NBPF10: variants seen among roughly 807,000 people sequenced by gnomAD.
The protein encoded by NBPF10 is NBPF member 10.
In NBPF10, 63 loss-of-function variants were observed where a neutral mutation model predicts 77.9. That is an observed-to-expected ratio of 0.81 (90% CI 0.66 to 1.00). The LOEUF is 1.00. NBPF10 is among the 50% of genes least tolerant of loss of function. The probability of loss-of-function intolerance (pLI) is 0.00; values close to 1 mark genes in which losing one functional copy is unlikely to be tolerated. For missense variants in NBPF10, 522 were observed against 679.8 expected (o/e 0.77, Z 2.58); for synonymous variants, 146 against 264.5 (o/e 0.55, Z 4.35).
At chr1:146,073,079 G>A (rs1376185431) in intron 81 of NBPF10, among the ~76,000 whole-genome samples, 178 bp from the exon 82 acceptor site, 5 of 68,494 alleles carry the variant, frequency 7.3e-5, no homozygotes, top group Non-Finnish European at 1.3e-4. Context: ...AGAAAAGAAT[G>A]AAAGAGAAAG....
intron 5 of NBPF10, among the ~76,000 whole-genome samples, chr1:146,139,473 A>T (rs1166359526): frequency 2.7e-5 from 4 of 148,664 alleles, no homozygotes; most frequent in East Asian, 2.0e-4. Context: ...ACAGAAGTGA[A>T]TGAGAGTGGG....
chr1:146,129,351 C>T (rs1351998738), intron 11 of NBPF10, among the ~76,000 whole-genome samples: 1 of 144,116 alleles, frequency 6.9e-6, no homozygotes, highest in African/African-American at 2.7e-5. Context: ...GATGCATGCA[C>T]AAGCTTCAGT....
chr1:146,067,802 G>A (rs587635099), intron 88 of NBPF10, among the ~76,000 whole-genome samples: 2 of 151,848 alleles, frequency 1.3e-5, no homozygotes, highest in Non-Finnish European at 2.9e-5. Flanking sequence ...CCTGAGACTA[G>A]GAAGAGAGTC....
intron 5 of NBPF10, among the ~76,000 whole-genome samples, chr1:146,139,082 CAGAG>C (rs1660005909): frequency 8.4e-6 from 1 of 118,496 alleles, no homozygotes. Context: ...CGCCCCTGGT[CAGAG>C]ACTTACTTTT....
intron 15 of NBPF10, among the ~76,000 whole-genome samples, chr1:146,125,091 G>A (rs1176012496): frequency 3.1e-5 from 2 of 65,132 alleles, no homozygotes; most frequent in Admixed American, 1.8e-4. Context: ...AGGAGAAAGT[G>A]AGCTCAGCGA....
intron 14 of NBPF10, among the ~76,000 whole-genome samples, chr1:146,125,831 A>G (rs1396131980): frequency 4.0e-5 from 6 of 149,960 alleles, no homozygotes; most frequent in Non-Finnish European, 7.4e-5. Flanking sequence ...TGCTAGGAGA[A>G]AAACTGCACT....
intron 14 of NBPF10, among the ~76,000 whole-genome samples, chr1:146,125,810 C>T (rs1208406533): frequency 6.7e-6 from 1 of 148,526 alleles, no homozygotes; most frequent in Non-Finnish European, 1.5e-5. Context: ...AAGCAAATGC[C>T]CCCAAATGGT....
chr1:146,067,956 C>A (rs782416212), intron 88 of NBPF10, 47 bp downstream of exon 88: 2 of 628,404 alleles, frequency 3.2e-6, no homozygotes, highest in Admixed American at 2.4e-5. Context: ...TCACCCCTAT[C>A]TGGAAGACCA....
At chr1:146,126,259 A>T (rs1312216730) in exon 14 of NBPF10, 3 of 1,608,628 alleles carry the variant, frequency 1.9e-6, no homozygotes, top group Middle Eastern at 2.3e-4. Context: ...AGCCAAGCCA[A>T]CACGCTGTTG....
At chr1:146,069,487 T>G (rs1401043703) in intron 86 of NBPF10, 56 bp downstream of exon 86, 20 of 724,948 alleles carry the variant, frequency 2.8e-5, no homozygotes, top group South Asian at 2.8e-4. Context: ...AGTAGGAATA[T>G]GACCCTAACC....
rs187526576 is a variant in NBPF10, at chr1:146,125,942, T to G, written c.2026+294A>C. 3.6e-4 allele frequency among the ~76,000 whole-genome samples: 55 copies of G among 151,726 alleles called. No homozygotes were observed. In the East Asian group the frequency reaches 9.7e-3, roughly 27 times the overall value. The stretch of plus-strand genomic sequence containing the variant: ...ATGAAATCTACAAGATCTACAAAAT[T>G]TAGACAAAATCAGAGTTGTGTGAAT... On this transcript the variant is annotated intron_variant, in intron 14 of 89. Transcript: ENST00000583866.
intron 5 of NBPF10, among the ~76,000 whole-genome samples, chr1:146,139,092 CTTTTTTTTTTT>C (rs782186835): frequency 0.014 from 1,146 of 82,486 alleles, 12 homozygotes; most frequent in African/African-American, 0.05. Context: ...CAGAGACTTA[CTTTTTTTTTTT>C]TTTTTTTTTT....
chr1:146,114,785 G>A (rs1386969823), intron 28 of NBPF10, among the ~76,000 whole-genome samples: 2 of 42,064 alleles, frequency 4.8e-5, no homozygotes, highest in African/African-American at 1.7e-4. Flanking sequence ...ATGCTTTATT[G>A]TTCCCATCAG....
chr1:146,067,885 T>A (rs1553778368), intron 88 of NBPF10, 118 bp downstream of exon 88: 23 of 698,080 alleles, frequency 3.3e-5, no homozygotes, highest in South Asian at 3.1e-4. Context: ...TATGCGCCCA[T>A]AGGTCCTGCC....
intron 7 of NBPF10, 141 bp downstream of exon 7, chr1:146,136,212 A>C: frequency 1.2e-6 from 1 of 800,782 alleles, no homozygotes; most frequent in Non-Finnish European, 2.1e-6. Context: ...TCTCTGATAA[A>C]TATTTGTGTG....
chr1:146,125,884 C>T lies in NBPF10; in HGVS notation c.2026+352G>A, dbSNP rs5019791. On this transcript the variant is annotated intron_variant, in intron 14 of 89. Coordinates refer to ENST00000583866, the Ensembl canonical transcript of NBPF10. ...CAAATACTCAGATTGTTCATGGTAGCGAGGATTTTAGACGCTGAAATTAGA... is the reference window on the plus strand; with the variant it reads ...CAAATACTCAGATTGTTCATGGTAGTGAGGATTTTAGACGCTGAAATTAGA... Among the ~76,000 whole-genome samples the T allele has an allele frequency of 7.8e-4, 118 of 151,188 alleles. 2 individuals carry two copies. The highest frequency in any genetic ancestry group is 2.1e-3 in the East Asian group (11 of 5,130).
intron 80 of NBPF10, among the ~76,000 whole-genome samples, chr1:146,073,870 C>T (rs1655899375): frequency 1.4e-5 from 1 of 70,334 alleles, no homozygotes; most frequent in Non-Finnish European, 3.8e-5. Flanking sequence ...AGGAGAAAAA[C>T]TGCACTATTC....
intron 3 of NBPF10, among the ~76,000 whole-genome samples, chr1:146,141,205 G>C (rs1235539329): frequency 1.9e-5 from 2 of 105,558 alleles, no homozygotes; most frequent in Non-Finnish European, 4.5e-5. Flanking sequence ...CAGATGGAGA[G>C]AGAGAAACTC....
In NBPF10 at chr1:146,085,970, A is replaced by T. The variant is rs1167234038; in HGVS notation, c.8159+194T>A. ...TGAAGTCTGGTCCACCTACAGTAGG[A>T]TAGTAAATGATAAGGGGAGGAAGAA... On this transcript the variant is annotated intron_variant, in intron 65 of 89. Coordinates refer to ENST00000583866, the Ensembl canonical transcript of NBPF10. 3.9e-4 allele frequency among the ~76,000 whole-genome samples: 7 copies of T among 18,130 alleles called. 2 individuals carry two copies. The highest frequency in any genetic ancestry group is 7.3e-4 in the Non-Finnish European group (7 of 9,568). 11.9% of individuals were successfully genotyped at this position (18,130 alleles called of 152,430 possible).
Sources: gnomAD v4.1 joint callset for allele counts (sites outside exome capture counted in the v4.1 genomes callset) on GRCh38, gnomAD v4.1.1 for gene constraint, MANE v1.5 for transcripts, NCBI Gene and HGNC (gene_info 2026-07-23, HGNC 2026-07-21) for gene names.